GRIA3: variants seen among roughly 807,000 people sequenced by gnomAD.
The protein encoded by GRIA3 is glutamate receptor 3.
In GRIA3, 3 loss-of-function variants were observed where a neutral mutation model predicts 63.0. That is an observed-to-expected ratio of 0.05 (90% CI 0.02 to 0.12). The LOEUF (loss-of-function observed/expected upper bound fraction) is 0.12, where lower values mean the gene tolerates loss of function less well. Among genes scored for constraint, GRIA3 ranks in the 10% least tolerant of loss-of-function variants. The probability of loss-of-function intolerance (pLI) is 1.00; values close to 1 mark genes in which losing one functional copy is unlikely to be tolerated. For missense variants in GRIA3, 347 were observed against 700.9 expected, an observed-to-expected ratio of 0.50 and a Z score of 5.70; for synonymous variants, 274 against 257.9, an observed-to-expected ratio of 1.06 and a Z score of -0.60.
At chrX:123,284,767 G>A (rs2883336) in intron 3 of GRIA3, among the ~76,000 whole-genome samples, 41,014 of 110,393 alleles carry the variant, frequency 0.37, 6,695 homozygotes, top group African/African-American at 0.63. Flanking sequence ...GACTAAACCG[G>A]CATTTGATTG....
intron 2 of GRIA3, among the ~76,000 whole-genome samples, chrX:123,216,927 G>C (rs1928173113): frequency 8.9e-6 from 1 of 111,990 alleles, no homozygotes; most frequent in Non-Finnish European, 1.9e-5. Context: ...GTCTGGTCTA[G>C]TCTCAGCTGG....
intron 12 of GRIA3, among the ~76,000 whole-genome samples, chrX:123,445,673 T>C (rs1177838146): frequency 1.8e-5 from 2 of 112,258 alleles, no homozygotes; most frequent in Non-Finnish European, 3.8e-5. Context: ...AAGTAATCCA[T>C]TAATCAGACA....
chrX:123,276,565 C>A (rs1317522775), intron 3 of GRIA3, among the ~76,000 whole-genome samples: 1 of 112,068 alleles, frequency 8.9e-6, no homozygotes, highest in African/African-American at 3.2e-5. Context: ...CACAATAATT[C>A]TATGATCTAG....
At chrX:123,463,611 G>GGAGGGAAGGAAA (rs2045809428) in intron 12 of GRIA3, among the ~76,000 whole-genome samples, 1 of 12,137 alleles carries the variant, frequency 8.2e-5, no homozygotes, top group Non-Finnish European at 1.3e-4. Flanking sequence ...AGGGAGGGAG[G>GGAGGGAAGGAAA]GAAAGAAAGA....
intron 5 of GRIA3, among the ~76,000 whole-genome samples, chrX:123,384,456 C>G (rs1368551093): frequency 2.7e-5 from 3 of 111,709 alleles, no homozygotes; most frequent in African/African-American, 9.8e-5. Flanking sequence ...GAAACCCCGT[C>G]TCTACTAAAA....
intron 2 of GRIA3, among the ~76,000 whole-genome samples, chrX:123,234,398 T>C (rs1345509283): frequency 8.9e-6 from 1 of 112,240 alleles, no homozygotes; most frequent in African/African-American, 3.2e-5. Context: ...CTTTCTCTCT[T>C]GGAATCCATT....
At chrX:123,259,513 GCACACA>G (rs769936326) in intron 3 of GRIA3, among the ~76,000 whole-genome samples, 1 of 105,628 alleles carries the variant, frequency 9.5e-6, no homozygotes, top group African/African-American at 3.5e-5. Context: ...TCATGCGCGC[GCACACA>G]CACACACACA....
intron 12 of GRIA3, among the ~76,000 whole-genome samples, chrX:123,432,611 T>A (rs895748933): frequency 9.8e-5 from 11 of 111,851 alleles, no homozygotes; most frequent in Non-Finnish European, 1.3e-4. Flanking sequence ...TTGCTTACTT[T>A]GCCGTTGCTT....
intron 1 of GRIA3, 36 bp from the exon 2 acceptor site, chrX:123,185,796 G>T: frequency 8.4e-7 from 1 of 1,191,482 alleles, no homozygotes. Context: ...TAGTGTGGGG[G>T]AACACAAGCC....
chrX:123,434,648 A>G (rs1420576463), intron 12 of GRIA3, among the ~76,000 whole-genome samples: 2 of 111,867 alleles, frequency 1.8e-5, no homozygotes, highest in Admixed American at 9.5e-5. Context: ...CTGGAGACAG[A>G]GCAACAGCCA....
chrX:123,477,090 G>A (rs73544009), intron 13 of GRIA3, among the ~76,000 whole-genome samples: 299 of 111,534 alleles, frequency 2.7e-3, no homozygotes, highest in African/African-American at 8.9e-3. Flanking sequence ...ACTGAGCCTG[G>A]GTTTTGGCAA....
intron 13 of GRIA3, among the ~76,000 whole-genome samples, chrX:123,471,065 T>C (rs956592079): frequency 1.8e-5 from 2 of 111,585 alleles, no homozygotes; most frequent in Non-Finnish European, 3.8e-5. Context: ...GTGCTCTTCG[T>C]TGGTTTGCAT....
At chrX:123,431,123 C>T (rs966622800) in intron 12 of GRIA3, among the ~76,000 whole-genome samples, 1 of 111,198 alleles carries the variant, frequency 9.0e-6, no homozygotes, top group Non-Finnish European at 1.9e-5. Context: ...GCAACATTTA[C>T]AAACATAATA....
chrX:123,226,714 A>G (rs2044249428), intron 2 of GRIA3, among the ~76,000 whole-genome samples: 1 of 111,825 alleles, frequency 8.9e-6, no homozygotes, highest in African/African-American at 3.2e-5. Context: ...CTCAATCTTC[A>G]TGATATTAAA....
At chrX:123,200,365 G>A (rs1927693729) in intron 2 of GRIA3, among the ~76,000 whole-genome samples, 1 of 109,839 alleles carries the variant, frequency 9.1e-6, no homozygotes, top group African/African-American at 3.3e-5. Flanking sequence ...GTTTTAACAT[G>A]TGTTCAGATT....
intron 2 of GRIA3, among the ~76,000 whole-genome samples, chrX:123,188,589 A>G (rs986382598): frequency 6.3e-5 from 7 of 110,835 alleles, no homozygotes; most frequent in Non-Finnish European, 1.3e-4. Flanking sequence ...TTCTCTGGAG[A>G]CCTAGGGAGA....
chrX:123,363,638 C>T (rs2045191565), intron 5 of GRIA3, among the ~76,000 whole-genome samples: 1 of 112,360 alleles, frequency 8.9e-6, no homozygotes, highest in Admixed American at 9.4e-5. Context: ...CAAGACCCTG[C>T]ATGAACTGCT....
chrX:123,264,805 T>C (rs1217929056), intron 3 of GRIA3, among the ~76,000 whole-genome samples: 2 of 111,786 alleles, frequency 1.8e-5, no homozygotes, highest in Non-Finnish European at 3.8e-5. Context: ...GGTGAGAATT[T>C]GGTCAAAGAA....
chrX:123,269,313 T>C (rs1454021891), intron 3 of GRIA3, among the ~76,000 whole-genome samples: 6 of 112,162 alleles, frequency 5.3e-5, no homozygotes, highest in Admixed American at 4.7e-4. Context: ...ACTTATAGAA[T>C]TGTTGTATGG....
Sources: allele counts gnomAD v4.1 joint callset (sites outside exome capture counted in the v4.1 genomes callset), GRCh38; gene constraint gnomAD v4.1.1; transcripts MANE v1.5; gene names NCBI Gene and HGNC (gene_info 2026-07-23, HGNC 2026-07-21).